CFHR5: variants seen among roughly 807,000 people sequenced by gnomAD.
CFHR5 encodes the protein complement factor H-related protein 5.
CFHR5 carries 73 observed loss-of-function variants against 62.9 expected under a neutral mutation model. The observed-to-expected ratio is 1.16, with a 90% CI of 0.96 to 1.41. The LOEUF is 1.41. Among genes scored for constraint, CFHR5 ranks in the 40% most tolerant of loss-of-function variants. The probability of loss-of-function intolerance (pLI) is 0.00; values close to 1 mark genes in which losing one functional copy is unlikely to be tolerated. For synonymous variants in CFHR5, 249 were observed against 227.2 expected, an observed-to-expected ratio of 1.10 and a Z score of -0.86; for missense variants, 779 against 679.9, an observed-to-expected ratio of 1.15 and a Z score of -1.62.
chr1:196,994,993 T>G (rs1653951181), intron 4 of CFHR5, among the ~76,000 whole-genome samples: 1 of 152,188 alleles, frequency 6.6e-6, no homozygotes, highest in South Asian at 2.1e-4. Flanking sequence ...CACCAGGTTC[T>G]TCCCACAACA....
At chr1:196,976,568 G>T (rs1653397851), upstream of CFHR5, among the ~76,000 whole-genome samples, 1 of 152,060 alleles carries the variant, frequency 6.6e-6, no homozygotes, top group Admixed American at 6.5e-5. Context: ...GAATTTTATG[G>T]AGACTTTCTG....
intron 9 of CFHR5, among the ~76,000 whole-genome samples, chr1:197,005,391 T>C (rs951053584): frequency 1.3e-5 from 2 of 152,048 alleles, no homozygotes; most frequent in African/African-American, 2.4e-5. Flanking sequence ...TTTCACCCTA[T>C]TTTTTTCTAC....
At chr1:197,008,402 T>C in intron 9 of CFHR5, 85 bp from the exon 10 acceptor site, 1 of 719,616 alleles carries the variant, frequency 1.4e-6, no homozygotes, top group Non-Finnish European at 2.0e-6. Context: ...AATTCCAAAA[T>C]ATTCTTAAAT....
intron 1 of CFHR5, among the ~76,000 whole-genome samples, chr1:196,982,184 A>G (rs1228662793): frequency 1.3e-5 from 2 of 152,176 alleles, no homozygotes; most frequent in Middle Eastern, 3.2e-3. Context: ...ATGAGAATAG[A>G]AAAAGAAATA....
intron 9 of CFHR5, among the ~76,000 whole-genome samples, chr1:197,007,004 T>C (rs1026891652): frequency 1.1e-4 from 17 of 150,952 alleles, no homozygotes; most frequent in Non-Finnish European, 2.1e-4. Context: ...GCCCGGCTAA[T>C]TTTTGTATTC....
At chr1:196,998,466 A>C (rs532466807) in intron 7 of CFHR5, among the ~76,000 whole-genome samples, 162 bp downstream of exon 7, 1 of 152,078 alleles carries the variant, frequency 6.6e-6, no homozygotes, top group Non-Finnish European at 1.5e-5. Context: ...GACAAATGTT[A>C]TTCTTTAAAA....
At chr1:196,982,530 A>C (rs1464129748) in intron 1 of CFHR5, among the ~76,000 whole-genome samples, 1 of 152,008 alleles carries the variant, frequency 6.6e-6, no homozygotes, top group Non-Finnish European at 1.5e-5. Context: ...AAAATTAGTC[A>C]GGTGTGGTGG....
Position 197,008,541 on chromosome 1 carries a change from G to A in CFHR5, c.1568G>A (p.Trp523Ter). The A allele has an allele frequency of 1.2e-6, 2 of 1,613,366 alleles. No individual in the cohort carries two copies. The highest frequency in any genetic ancestry group is 8.5e-7 in the Non-Finnish European group (1 of 1,179,556). Reference sequence around the variant, plus strand: ...AACAAAAATAACATACAGTTAAAATGGAGAAACGATGGAAAACTCTATGCA... The same window carrying A: ...AACAAAAATAACATACAGTTAAAATAGAGAAACGATGGAAAACTCTATGCA... ...NMNKNNIQLK[W>*]RNDGKLYAKT... Residue 523 changes from tryptophan to a stop codon, truncating the protein, a stop_gained, in exon 10 of 10, where the codon TGG (tryptophan) becomes TAG (stop). Coordinates refer to ENST00000256785, the MANE Select transcript of CFHR5 (RefSeq NM_030787.4). LOFTEE classifies it low-confidence loss of function (END_TRUNC).
rs567658761 is a variant in CFHR5 at position 196,991,215 on chromosome 1, A to C, written c.431-2865A>C. On this transcript the variant is annotated intron_variant, in intron 3 of 9. Coordinates refer to ENST00000256785, the MANE Select transcript of CFHR5 (RefSeq NM_030787.4). The stretch of plus-strand genomic sequence containing the variant: ...TCGTGCCATGGTTTTCAGCTCCATC[A>C]GGTCATTTAAGGTCTTCTCTACACT... Among the ~76,000 whole-genome samples the C allele has an allele frequency of 3.3e-5, 5 of 152,222 alleles. No individual in the cohort carries two copies. In the East Asian group the frequency reaches 9.7e-4, roughly 29 times the overall value.
rs113501753 is a variant in CFHR5 at position 196,993,972 on chromosome 1, A to G, written c.431-108A>G. On this transcript the variant is annotated intron_variant, in intron 3 of 9. Transcript: ENST00000256785. Reference sequence around the variant, plus strand: ...TATGTTTTCTCGAAGGCAAGAATATATTTTATACTCTGTATATGAAGCCCC... The same window carrying G: ...TATGTTTTCTCGAAGGCAAGAATATGTTTTATACTCTGTATATGAAGCCCC... The G allele has an allele frequency of 8.3e-6, 7 of 843,584 alleles. No homozygotes were observed. In the African/African-American group the frequency reaches 8.7e-5, roughly 10 times the overall value. The allele number at this position is 843,584 out of a possible 1,614,324, so 52.3% of individuals were successfully genotyped here.
chr1:197,004,976 C>A, intron 9 of CFHR5, 133 bp downstream of exon 9: 1 of 732,488 alleles, frequency 1.4e-6, no homozygotes. Context: ...TAAATACATA[C>A]AAGGAAACAT....
Position 197,004,730 on chromosome 1 carries a change from T to G in CFHR5, c.1400T>G (p.Val467Gly), listed in dbSNP as rs372401518. ...NGDTTSFPLS[V>G]YPPGSTVTYR... ...GATACCACCTCATTCCCATTATCAG[T>G]ATATCCTCCAGGGTCAACAGTGACG... Residue 467 changes from valine (V) to glycine (G), a missense_variant, in exon 9 of 10, where the codon GTA (valine) becomes GGA (glycine). Coordinates refer to ENST00000256785, the MANE Select transcript of CFHR5 (RefSeq NM_030787.4). 1.1e-5 allele frequency: 17 copies of G among 1,613,498 alleles called. No individual in the cohort carries two copies. Among genetic ancestry groups the G allele is most frequent in the Non-Finnish European group, 1.4e-5 (17 of 1,179,462 alleles).
chr1:196,977,507 T>C, upstream of CFHR5: 1 of 718,594 alleles, frequency 1.4e-6, no homozygotes, highest in South Asian at 1.5e-5. Flanking sequence ...CAACCCTCCA[T>C]GAACTTTGAT....
At chr1:196,999,655 G>A (rs1051029243) in intron 7 of CFHR5, among the ~76,000 whole-genome samples, 5 of 141,046 alleles carry the variant, frequency 3.5e-5, no homozygotes, top group Non-Finnish European at 7.5e-5. Flanking sequence ...GGCATTCATA[G>A]TCTTAAACTT....
chr1:196,998,232 T>G lies in CFHR5; in HGVS notation c.1075T>G (p.Cys359Gly). ...TCATAATTCTAGAATACGTTACAGA[T>G]GTTCAGACATCTTCAGATACAGGCA... ...FNHNSRIRYR[C>G]SDIFRYRHSV... Residue 359 changes from cysteine (C) to glycine (G), a missense_variant, in exon 7 of 10, where the codon TGT becomes GGT. By Grantham distance (159) the Cys-to-Gly change is radical. Coordinates refer to ENST00000256785, the MANE Select transcript of CFHR5 (RefSeq NM_030787.4). The G allele has an allele frequency of 6.2e-7, 1 of 1,610,864 alleles. No homozygotes were observed. The highest frequency in any genetic ancestry group is 8.5e-7 in the Non-Finnish European group (1 of 1,178,134).
At position 197,002,598 on chromosome 1, in the gene CFHR5, C is replaced by G. The variant is rs751747329; in HGVS notation, c.1264C>G (p.Leu422Val). 41 of 1,613,272 alleles carry G rather than the reference C, an allele frequency of 2.5e-5. No homozygotes were observed. Among genetic ancestry groups the G allele is most frequent in the Non-Finnish European group, 3.2e-5 (38 of 1,179,532 alleles). Residue 422 changes from leucine to valine, a missense_variant, in exon 8 of 10, where the codon CTA becomes GTA. Leu to Val is a conservative substitution (Grantham distance 32). Coordinates refer to ENST00000256785, the MANE Select transcript of CFHR5 (RefSeq NM_030787.4). ...AGCTGTTCTCTGTAAAGAAAACTAT[C>G]TACTTCCAGAAGCAAAAGAAATTGT... The part of the protein sequence containing the change: ...KVAVLCKENY[L>V]LPEAKEIVCK...
intron 4 of CFHR5, 77 bp downstream of exon 4, chr1:196,994,333 A>G (rs912344774): frequency 8.6e-7 from 1 of 1,161,318 alleles, no homozygotes; most frequent in African/African-American, 1.5e-5. Flanking sequence ...ATTGGAGCTT[A>G]TATTACATCT....
intron 3 of CFHR5, among the ~76,000 whole-genome samples, chr1:196,992,646 C>T (rs1045291719): frequency 1.3e-5 from 2 of 152,094 alleles, no homozygotes; most frequent in Non-Finnish European, 1.5e-5. Context: ...TGTTCCTATT[C>T]GGCCATCTTG....
At chr1:196,996,927 C>T (rs1171934414) in intron 6 of CFHR5, among the ~76,000 whole-genome samples, 12 of 151,948 alleles carry the variant, frequency 7.9e-5, no homozygotes, top group Non-Finnish European at 1.3e-4. Flanking sequence ...TCTACTCTTA[C>T]CTTGCAGCCT....
Sources: allele counts gnomAD v4.1 joint callset (sites outside exome capture counted in the v4.1 genomes callset), GRCh38; gene constraint gnomAD v4.1.1; transcripts MANE v1.5; gene names NCBI Gene and HGNC (gene_info 2026-07-23, HGNC 2026-07-21).